Variants in LRFN4 observed in about 807,000 individuals in gnomAD.
LRFN4 encodes the protein leucine-rich repeat and fibronectin type-III domain-containing protein 4.
Under a neutral mutation model 29.0 loss-of-function variants are expected in LRFN4, and 10 were observed. That is an observed-to-expected ratio of 0.35 (90% CI 0.21 to 0.59). LRFN4 has a LOEUF of 0.59. Ranked by LOEUF, LRFN4 falls within the 20% of genes least tolerant of loss-of-function variation. LRFN4 has a pLI of 0.82. For synonymous variants in LRFN4, 493 were observed against 437.0 expected, an observed-to-expected ratio of 1.13 and a Z score of -1.60; for missense variants, 850 against 907.9, an observed-to-expected ratio of 0.94 and a Z score of 0.82.
Position 66,860,046 on chromosome 11 carries a change from G to A in LRFN4, c.1759G>A (p.Asp587Asn), listed in dbSNP as rs1455004025. The A allele has an allele frequency of 6.3e-7, 1 of 1,576,094 alleles. No homozygotes were observed. Among genetic ancestry groups the A allele is most frequent in the Non-Finnish European group, 8.6e-7 (1 of 1,162,044 alleles). The change falls in exon 2 of 2, where the codon GAC (aspartate) becomes AAC (asparagine). Residue 587 changes from aspartate (D) to asparagine (N), a missense_variant. Coordinates refer to ENST00000309602, the MANE Select transcript of LRFN4 (RefSeq NM_024036.5). ...CCGGCCGCAGCGCAGCTGCTCTCTGGACCTGGGAGATGCCGGGTGCTACGG... is the reference window on the plus strand; with the variant it reads ...CCGGCCGCAGCGCAGCTGCTCTCTGAACCTGGGAGATGCCGGGTGCTACGG... ...PPRPQRSCSL[D>N]LGDAGCYGYA...
Position 66,858,346 on chromosome 11 carries a change from C to G in LRFN4, c.602C>G (p.Thr201Ser). ...QLGQLSRLDL[T>S]SNRLATLAPD... ...GGTCAGCTCTCCCGCCTGGACCTCA[C>G]CTCCAACCGCCTGGCCACGCTGGCT... Residue 201 changes from threonine (T) to serine (S), a missense_variant, in exon 1 of 2, where the codon ACC (threonine) becomes AGC (serine). Physicochemically the swap from Thr to Ser is moderately conservative, Grantham distance 58. Transcript: ENST00000309602. This position sits in a 1 kb window ranked among gnomAD's most constrained non-coding sequence, Gnocchi z 5.9. The G allele has an allele frequency of 6.2e-7, 1 of 1,601,724 alleles. No homozygotes were observed. The highest frequency in any genetic ancestry group is 2.2e-5 in the East Asian group (1 of 44,474).
Position 66,860,269 on chromosome 11 carries a change from T to C in LRFN4, c.*74T>C. 6.6e-7 allele frequency: 1 copy of C among 1,523,152 alleles called. No individual in the cohort carries two copies. Among genetic ancestry groups the C allele is most frequent in the East Asian group, 2.4e-5 (1 of 40,836 alleles). The allele number at this position is 1,523,152 out of a possible 1,614,324, so 94.4% of individuals were successfully genotyped here. ...GAGGGCCCGGGGCCGCCGCCTGGCC[T>C]GGGAGTCCCTCCCTGGTTTTTATTC... is the stretch of plus-strand genomic sequence containing the variant. On this transcript the variant is annotated 3_prime_UTR_variant, in exon 2 of 2. Coordinates refer to ENST00000309602, the MANE Select transcript of LRFN4 (RefSeq NM_024036.5).
In LRFN4 at chr11:66,860,324, G is replaced by C; in HGVS notation, c.*129G>C. On this transcript the variant is annotated 3_prime_UTR_variant, in exon 2 of 2. Coordinates refer to ENST00000309602, the MANE Select transcript of LRFN4 (RefSeq NM_024036.5). ...TACCTCAGGCTCCCCTGTGTACTTG[G>C]AGGGGCAGGGAGCCCTTTCCTCGGT... is the stretch of plus-strand genomic sequence containing the variant. The C allele has an allele frequency of 7.5e-7, 1 of 1,329,696 alleles. No homozygotes were observed. Among genetic ancestry groups the C allele is most frequent in the Non-Finnish European group, 1.0e-6 (1 of 958,140 alleles). The allele number at this position is 1,329,696 out of a possible 1,614,324, so 82.4% of individuals were successfully genotyped here. A position where few individuals can be genotyped will look rare whatever the true frequency, so the allele number is the denominator to read the frequency against.
intron 1 of LRFN4, 41 bp from the exon 2 acceptor site, chr11:66,859,596 G>T: frequency 6.2e-7 from 1 of 1,610,724 alleles, no homozygotes. Flanking sequence ...GATGGGGCTA[G>T]ACCCCAGCCC....
At position 66,860,167 on chromosome 11, in the gene LRFN4, C is replaced by T. The variant is rs199623957; in HGVS notation, c.1880C>T (p.Ala627Val). The change falls in exon 2 of 2, where the codon GCC (alanine) becomes GTC (valine). Residue 627 changes from alanine to valine, a missense_variant. Coordinates refer to ENST00000309602, the MANE Select transcript of LRFN4 (RefSeq NM_024036.5). ...GAGCRGVGGS[A>V]ERLEESVV Reference sequence around the variant, plus strand: ...GGGTGCCGGGGGGTAGGAGGCAGCGCCGAGCGGCTGGAAGAGAGTGTGGTG... The same window carrying T: ...GGGTGCCGGGGGGTAGGAGGCAGCGTCGAGCGGCTGGAAGAGAGTGTGGTG... 1.7e-3 allele frequency: 2,615 copies of T among 1,547,668 alleles called. 6 individuals are homozygous for T. Among genetic ancestry groups the T allele is most frequent in the Middle Eastern group, 3.5e-3 (21 of 5,992 alleles).
At position 66,858,139 on chromosome 11, in the gene LRFN4, TG is replaced by T; in HGVS notation, c.398del (p.Gly133AlafsTer12). The T allele has an allele frequency of 6.2e-7, 1 of 1,610,650 alleles. No individual in the cohort carries two copies. The highest frequency in any genetic ancestry group is 1.1e-5 in the South Asian group (1 of 91,022). On this transcript the variant is annotated frameshift_variant, in exon 1 of 2. Transcript: ENST00000309602. LOFTEE classifies it high-confidence loss of function. This position sits in a 1 kb window ranked among gnomAD's most constrained non-coding sequence, Gnocchi z 5.9. ...LQHLILSGNQLGRIAPGAFDD... is the reference protein window; with the variant it reads ...LQHLILSGNQXGRIAPGAFDD... ...CACCTCATCCTCAGCGGCAACCAGC[TG>T]GGCCGCATCGCGCCGGGAGCCTTCG...
At position 66,860,138 on chromosome 11, in the gene LRFN4, G is replaced by A; in HGVS notation, c.1851G>A (p.Gly617=). Residue 617 remains glycine, a synonymous_variant, in exon 2 of 2, where the codon GGG becomes GGA. Transcript: ENST00000309602. The part of the protein sequence containing the change: ...RSHSVHGGLL[G]AGCRGVGGSA... ...ACTCTGTGCATGGGGGGCTGCTCGG[G>A]GCAGGGTGCCGGGGGGTAGGAGGCA... is the stretch of plus-strand genomic sequence containing the variant. The A allele has an allele frequency of 6.5e-7, 1 of 1,549,988 alleles. No homozygotes were observed. The highest frequency in any genetic ancestry group is 1.2e-5 in the South Asian group (1 of 84,208).
rs924493250 is a variant in LRFN4 at position 66,857,244 on chromosome 11, C to G, written c.-501C>G. 1 of 148,336 alleles carries G rather than the reference C, an allele frequency of 6.7e-6. No individual in the cohort carries two copies. The highest frequency in any genetic ancestry group is 1.5e-5 in the Non-Finnish European group (1 of 66,306). The allele number at this position is 148,336 out of a possible 1,614,324, so 9.2% of individuals were successfully genotyped here. A position where few individuals can be genotyped will look rare whatever the true frequency, so the allele number is the denominator to read the frequency against. ...GAGAGCGGCCAGGAGTCGGCGGGGG[C>G]CGGCCGGGCTCGCAGGGAGGCCGGC... On this transcript the variant is annotated 5_prime_UTR_variant, in exon 1 of 2. Transcript: ENST00000309602. This position sits in a 1 kb window ranked among gnomAD's most constrained non-coding sequence, Gnocchi z 7.1.
rs546519818 is a variant in LRFN4 at position 66,858,689 on chromosome 11, C to G, written c.945C>G (p.Val315=). The G allele has an allele frequency of 9.8e-5, 151 of 1,547,186 alleles. No homozygotes were observed. The South Asian group carries it at 1.4e-3, about 15-fold the overall frequency. ...LGDPAPTMHW[V]GPDDRLVGNS... ...ACCCCGCGCCTACCATGCACTGGGTCGGTCCTGACGACCGGTTGGTTGGCA... is the reference window on the plus strand; with the variant it reads ...ACCCCGCGCCTACCATGCACTGGGTGGGTCCTGACGACCGGTTGGTTGGCA... Residue 315 remains valine, a synonymous_variant, in exon 1 of 2, where the codon GTC becomes GTG. Coordinates refer to ENST00000309602, the MANE Select transcript of LRFN4 (RefSeq NM_024036.5). The surrounding 1 kb of genome is among the most constrained non-coding windows in gnomAD (Gnocchi z 5.9).
Position 66,858,029 on chromosome 11 carries a change from C to T in LRFN4, c.285C>T (p.Leu95=). 2.5e-6 allele frequency: 4 copies of T among 1,611,788 alleles called. No individual in the cohort carries two copies. Among genetic ancestry groups the T allele is most frequent in the South Asian group, 1.1e-5 (1 of 91,084 alleles). Residue 95 remains leucine (L), a synonymous_variant, in exon 1 of 2, where the codon CTC becomes CTT. Coordinates refer to ENST00000309602, the MANE Select transcript of LRFN4 (RefSeq NM_024036.5). This position sits in a 1 kb window ranked among gnomAD's most constrained non-coding sequence, Gnocchi z 5.9. ...TTGGGGCCCGCGCCTTTGGGGACCT[C>T]GAGAGCCTGCGTTCCCTCCACCTTG... The part of the protein sequence containing the change: ...TRIGARAFGD[L]ESLRSLHLDG...
Position 66,857,748 on chromosome 11 carries a change from G to T in LRFN4, c.4G>T (p.Ala2Ser). 2 of 1,590,974 alleles carry T rather than the reference G, an allele frequency of 1.3e-6. No individual in the cohort carries two copies. Among genetic ancestry groups the T allele is most frequent in the Non-Finnish European group, 1.7e-6 (2 of 1,175,488 alleles). Reference protein sequence around the residue: MAPPLLLLLLAS... With the variant: MSPPLLLLLLAS... ...CCCTTCCTACAGGGCGCTCACCATG[G>T]CCCCGCCGCTCCTGCTGCTGCTGCT... The change falls in exon 1 of 2, where the codon GCC (alanine) becomes TCC (serine). Residue 2 changes from alanine to serine, a missense_variant. Around this residue, in one of 2 missense-constraint regions of LRFN4, gnomAD observed 106 missense variants for 154.2 expected, o/e 0.69. Coordinates refer to ENST00000309602, the MANE Select transcript of LRFN4 (RefSeq NM_024036.5). The surrounding 1 kb of genome is among the most constrained non-coding windows in gnomAD (Gnocchi z 7.1).
In LRFN4 at chr11:66,859,796, G is replaced by A. The variant is rs374784126; in HGVS notation, c.1509G>A (p.Ser503=). ...CCCATTTCTCCACGCTGCCGGCCTC[G>A]CCCCTGTGCCACGCCCTGCAGGCCC... ...GCAHFSTLPA[S]PLCHALQAHV... is the part of the protein sequence containing the mutation. The change falls in exon 2 of 2, where the codon TCG becomes TCA. Residue 503 remains serine, a synonymous_variant. Coordinates refer to ENST00000309602, the MANE Select transcript of LRFN4 (RefSeq NM_024036.5). The A allele has an allele frequency of 4.3e-5, 69 of 1,594,564 alleles. No homozygotes were observed. The highest frequency in any genetic ancestry group is 1.7e-4 in the Middle Eastern group (1 of 5,958).
chr11:66,858,793 C>G lies in LRFN4; in HGVS notation c.1049C>G (p.Thr350Ser). 1 of 1,549,746 alleles carries G rather than the reference C, an allele frequency of 6.5e-7. No individual in the cohort carries two copies. Among genetic ancestry groups the G allele is most frequent in the Non-Finnish European group, 8.7e-7 (1 of 1,147,482 alleles). ...VTGAGDAGGY[T>S]CIATNPAGEA... Reference sequence around the variant, plus strand: ...GGCGCTGGGGACGCTGGGGGCTACACCTGCATCGCCACCAACCCTGCTGGT... The same window carrying G: ...GGCGCTGGGGACGCTGGGGGCTACAGCTGCATCGCCACCAACCCTGCTGGT... Residue 350 changes from threonine to serine, a missense_variant, in exon 1 of 2, where the codon ACC (threonine) becomes AGC (serine). By Grantham distance (58) the Thr-to-Ser change is moderately conservative. Coordinates refer to ENST00000309602, the MANE Select transcript of LRFN4 (RefSeq NM_024036.5). This position sits in a 1 kb window ranked among gnomAD's most constrained non-coding sequence, Gnocchi z 5.9.
At position 66,857,564 on chromosome 11, in the gene LRFN4, G is replaced by T. The variant is rs1331955012; in HGVS notation, c.-181G>T. 4.8e-6 allele frequency: 3 copies of T among 621,176 alleles called. No individual in the cohort carries two copies. Among genetic ancestry groups the T allele is most frequent in the Non-Finnish European group, 8.3e-6 (3 of 362,912 alleles). 38.5% of individuals were successfully genotyped at this position (621,176 alleles called of 1,614,324 possible). On this transcript the variant is annotated 5_prime_UTR_variant, in exon 1 of 2. Transcript: ENST00000309602. The surrounding 1 kb of genome is among the most constrained non-coding windows in gnomAD (Gnocchi z 7.1). The stretch of plus-strand genomic sequence containing the variant: ...GGAAATGTGACCTTTGCTCTGGGGG[G>T]CCTGGCCCTGCAGGCCCCAACCTTC...
rs1259269810 is a variant in LRFN4 at position 66,857,272 on chromosome 11, G to A, written c.-473G>A. The stretch of plus-strand genomic sequence containing the variant: ...GCCGGGCTCGCAGGGAGGCCGGCCC[G>A]CGCCCCCTGAGCGACGGACACCAGG... On this transcript the variant is annotated 5_prime_UTR_variant, in exon 1 of 2. Coordinates refer to ENST00000309602, the MANE Select transcript of LRFN4 (RefSeq NM_024036.5). The surrounding 1 kb of genome is among the most constrained non-coding windows in gnomAD (Gnocchi z 7.1). 1.3e-5 allele frequency: 2 copies of A among 149,558 alleles called. No individual in the cohort carries two copies. The highest frequency in any genetic ancestry group is 2.4e-5 in the African/African-American group (1 of 41,056). The allele number at this position is 149,558 out of a possible 1,614,324, so 9.3% of individuals were successfully genotyped here. A position where few individuals can be genotyped will look rare whatever the true frequency, so the allele number is the denominator to read the frequency against.
At position 66,857,468 on chromosome 11, in the gene LRFN4, T is replaced by C; in HGVS notation, c.-277T>C. The C allele has an allele frequency of 2.4e-6, 1 of 418,696 alleles. No individual in the cohort carries two copies. The highest frequency in any genetic ancestry group is 4.2e-6 in the Non-Finnish European group (1 of 237,134). The allele number at this position is 418,696 out of a possible 1,614,324, so 25.9% of individuals were successfully genotyped here. A position where few individuals can be genotyped will look rare whatever the true frequency, so the allele number is the denominator to read the frequency against. Reference sequence around the variant, plus strand: ...GGAAGTTCCGGGACCCTCCCTGCTCTCGGTCCTCCTCCGCTTCCTGCCTCA... The same window carrying C: ...GGAAGTTCCGGGACCCTCCCTGCTCCCGGTCCTCCTCCGCTTCCTGCCTCA... On this transcript the variant is annotated 5_prime_UTR_variant, in exon 1 of 2. Coordinates refer to ENST00000309602, the MANE Select transcript of LRFN4 (RefSeq NM_024036.5). The surrounding 1 kb of genome is among the most constrained non-coding windows in gnomAD (Gnocchi z 7.1).
rs575841446 is a variant in LRFN4 at position 66,859,569 on chromosome 11, G to A, written c.1350-68G>A. The stretch of plus-strand genomic sequence containing the variant: ...GAGGGGTGTTTGGAGCTGGGAGCAC[G>A]GGAGTGGGGAGGTGAGGATGGGGCT... On this transcript the variant is annotated intron_variant, in intron 1 of 1. Coordinates refer to ENST00000309602, the MANE Select transcript of LRFN4 (RefSeq NM_024036.5). 286 of 1,595,346 alleles carry A rather than the reference G, an allele frequency of 1.8e-4. No individual in the cohort carries two copies. The African/African-American group carries it at 2.6e-3, about 15-fold the overall frequency.
intron 1 of LRFN4, 22 bp from the exon 2 acceptor site, chr11:66,859,615 G>A (rs777761696): frequency 4.3e-6 from 7 of 1,612,428 alleles, no homozygotes; most frequent in Non-Finnish European, 4.2e-6. Flanking sequence ...CCCGGGCTCT[G>A]ACCACCTGCC....
chr11:66,859,854 G>C lies in LRFN4; in HGVS notation c.1567G>C (p.Gly523Arg). The C allele has an allele frequency of 6.4e-7, 1 of 1,565,062 alleles. No homozygotes were observed. The highest frequency in any genetic ancestry group is 8.7e-7 in the Non-Finnish European group (1 of 1,154,722). Residue 523 changes from glycine (G) to arginine (R), a missense_variant, in exon 2 of 2, where the codon GGG (glycine) becomes CGG (arginine). This residue lies in a region of LRFN4 where 744 missense variants were observed against 753.8 expected (regional missense o/e 0.99). Transcript: ENST00000309602. ...GGGCGGGACCCTGACCGTGGCCGTG[G>C]GGGGTGTGCTGGTGGCTGCCTTACT... ...VLGGTLTVAV[G>R]GVLVAALLVF...
Sources: gnomAD v4.1 joint callset for allele counts on GRCh38, gnomAD v4.1.1 for gene constraint, gnomAD v4.1.1 regional missense constraint, Gnocchi (gnomAD v3.1) non-coding constraint, MANE v1.5 for transcripts, NCBI Gene and HGNC (gene_info 2026-07-23, HGNC 2026-07-21) for gene names.